PPP2R2C: variants seen among roughly 807,000 people sequenced by gnomAD.
PPP2R2C encodes the protein protein phosphatase 2, regulatory subunit B, gamma.
In PPP2R2C, 10 loss-of-function variants were observed where a neutral mutation model predicts 45.3. The ratio of observed to expected loss-of-function variants is 0.22; its 90% confidence interval spans 0.14 to 0.37. The LOEUF is 0.37. PPP2R2C is among the 10% of genes least tolerant of loss of function. The pLI, the probability that PPP2R2C is intolerant of heterozygous loss-of-function variation, is 1.00. For synonymous variants in PPP2R2C, 257 were observed against 245.4 expected (o/e 1.05, Z -0.44); for missense variants, 308 against 619.7 (o/e 0.50, Z 5.34).
chr4:6,426,707 G>A (rs1408713556), intron 1 of PPP2R2C, among the ~76,000 whole-genome samples: 3 of 152,190 alleles, frequency 2.0e-5, no homozygotes, highest in African/African-American at 7.2e-5. Flanking sequence ...AGCTGGGACA[G>A]CAGCCTGGGA....
At chr4:6,529,413 T>G (rs1320900795) in intron 2 of PPP2R2C, among the ~76,000 whole-genome samples, 2 of 152,228 alleles carry the variant, frequency 1.3e-5, no homozygotes, top group Non-Finnish European at 2.9e-5. Flanking sequence ...TCATAGTCAA[T>G]GCGTGCACAC....
Position 6,437,504 on chromosome 4 carries a change from T to A in PPP2R2C, c.70+34656A>T, listed in dbSNP as rs369290263. 1.2e-4 allele frequency among the ~76,000 whole-genome samples: 19 copies of A among 152,282 alleles called. No homozygotes were observed. In the East Asian group the frequency reaches 1.5e-3, roughly 12 times the overall value. The stretch of plus-strand genomic sequence containing the variant: ...ATTAAGAGGAAGTTAGGGACAGAGC[T>A]CTTATCAAATGTCACCTAATCCAGG... On this transcript the variant is annotated intron_variant, in intron 1 of 8. Coordinates refer to ENST00000382599, the MANE Select transcript of PPP2R2C (RefSeq NM_020416.4).
chr4:6,408,510 G>T (rs1024376265), intron 1 of PPP2R2C, among the ~76,000 whole-genome samples: 1 of 152,186 alleles, frequency 6.6e-6, no homozygotes, highest in African/African-American at 2.4e-5. Flanking sequence ...CTGGGCCATC[G>T]TGAGCAGTAA....
intron 2 of PPP2R2C, among the ~76,000 whole-genome samples, chr4:6,510,673 C>A (rs1315468802): frequency 1.3e-5 from 2 of 152,080 alleles, no homozygotes; most frequent in East Asian, 1.9e-4. Flanking sequence ...ACGGAGGAGG[C>A]CCTCTTAGAA....
chr4:6,537,677 A>G (rs1219838785), intron 1 of PPP2R2C, among the ~76,000 whole-genome samples: 1 of 151,182 alleles, frequency 6.6e-6, no homozygotes, highest in Non-Finnish European at 1.5e-5. Flanking sequence ...CAGCCTTCCG[A>G]GTAGCTGGAA....
chr4:6,421,471 G>A (rs11726287), intron 1 of PPP2R2C, among the ~76,000 whole-genome samples: 97,547 of 151,986 alleles, frequency 0.64, 33,045 homozygotes, highest in Non-Finnish European at 0.76. Flanking sequence ...TGTTTGATAA[G>A]TGTTTGTGGA....
chr4:6,381,342 C>T lies in PPP2R2C; in HGVS notation c.71-248G>A, dbSNP rs767298870. On this transcript the variant is annotated intron_variant, in intron 1 of 8. Transcript: ENST00000382599. The stretch of plus-strand genomic sequence containing the variant: ...CTCGGGACTTGGCACAGGCCTGGGG[C>T]GACCACAGTGGCTGGCAGACTTTAT... The T allele has an allele frequency of 6.7e-5, 101 of 1,507,086 alleles. 1 individual carries two copies. In the Middle Eastern group the frequency reaches 6.8e-4, roughly 10 times the overall value. The allele number at this position is 1,507,086 out of a possible 1,614,324, so 93.4% of individuals were successfully genotyped here.
At chr4:6,560,679 C>A (rs1725546164) in intron 1 of PPP2R2C, among the ~76,000 whole-genome samples, 2 of 152,232 alleles carry the variant, frequency 1.3e-5, no homozygotes, top group Non-Finnish European at 2.9e-5. Flanking sequence ...GCTGCACCCG[C>A]TTCACAAGTG....
chr4:6,350,911 G>A (rs1712492003), intron 5 of PPP2R2C: 8 of 985,396 alleles, frequency 8.1e-6, no homozygotes, highest in Non-Finnish European at 8.4e-6. Context: ...GAGACCTTCA[G>A]GTTGTTTGCT....
chr4:6,410,841 TTTTATTTATTTATTTATTTATTTA>T (rs148453274), intron 1 of PPP2R2C, among the ~76,000 whole-genome samples: 56 of 140,430 alleles, frequency 4.0e-4, no homozygotes, highest in South Asian at 7.4e-4. Context: ...ATTCCCCCTG[TTTTATTTATTTATTTATTTATTTA>T]TTTATTTATT....
chr4:6,329,909 C>T lies in PPP2R2C; in HGVS notation c.961-556G>A, dbSNP rs1429561513. The stretch of plus-strand genomic sequence containing the variant: ...CTTAAAGTGATAAGAGGGCGAACCT[C>T]ACAGTGGTTCTGGCATTAAGTGCAG... On this transcript the variant is annotated intron_variant, in intron 7 of 8. Coordinates refer to ENST00000382599, the MANE Select transcript of PPP2R2C (RefSeq NM_020416.4). The surrounding 1 kb of genome is among the most constrained non-coding windows in gnomAD (Gnocchi z 5.8). Among the ~76,000 whole-genome samples the T allele has an allele frequency of 1.3e-5, 2 of 152,226 alleles. No homozygotes were observed. Among genetic ancestry groups the T allele is most frequent in the Non-Finnish European group, 2.9e-5 (2 of 68,040 alleles).
chr4:6,425,495 C>T (rs939387097), intron 1 of PPP2R2C, among the ~76,000 whole-genome samples: 3 of 152,218 alleles, frequency 2.0e-5, no homozygotes, highest in Admixed American at 2.0e-4. Flanking sequence ...GTGTCCCCAC[C>T]AGCACGAGCT....
chr4:6,382,786 T>A (rs1330348135), intron 1 of PPP2R2C: 1 of 867,012 alleles, frequency 1.2e-6, no homozygotes, highest in East Asian at 6.9e-5. Flanking sequence ...CACCTCTCAC[T>A]GGATGACTGC....
intron 1 of PPP2R2C, among the ~76,000 whole-genome samples, chr4:6,390,136 C>A (rs145052913): frequency 6.6e-6 from 1 of 152,176 alleles, no homozygotes; most frequent in African/African-American, 2.4e-5. Flanking sequence ...CCTCCACGTA[C>A]TTCCAGGGGA....
chr4:6,457,849 C>A (rs1721126091), intron 1 of PPP2R2C, among the ~76,000 whole-genome samples: 1 of 152,206 alleles, frequency 6.6e-6, no homozygotes, highest in South Asian at 2.1e-4. Context: ...AGCACCCTTT[C>A]TATGCTTTGC....
At chr4:6,535,078 G>A (rs1297913107) in intron 2 of PPP2R2C, among the ~76,000 whole-genome samples, 1 of 152,220 alleles carries the variant, frequency 6.6e-6, no homozygotes, top group African/African-American at 2.4e-5. Context: ...GGCTGGTGGG[G>A]TGGGGCCAGG....
chr4:6,417,395 T>C (rs1354682072), intron 1 of PPP2R2C, among the ~76,000 whole-genome samples: 1 of 152,208 alleles, frequency 6.6e-6, no homozygotes, highest in Non-Finnish European at 1.5e-5. Flanking sequence ...CCTTGGGCCT[T>C]GGGAATCTTC....
intron 6 of PPP2R2C, among the ~76,000 whole-genome samples, chr4:6,346,328 C>G (rs146233743): frequency 4.6e-5 from 7 of 152,184 alleles, no homozygotes; most frequent in African/African-American, 1.7e-4. Context: ...TGTGGAGTCA[C>G]GGCCACTGCA....
chr4:6,440,127 G>A (rs558026628), intron 1 of PPP2R2C, among the ~76,000 whole-genome samples: 2 of 152,164 alleles, frequency 1.3e-5, no homozygotes, highest in South Asian at 2.1e-4. Flanking sequence ...TTGTCTTTCT[G>A]TCCACCTCTA....
Sources: gnomAD v4.1 joint callset for allele counts (sites outside exome capture counted in the v4.1 genomes callset) on GRCh38, gnomAD v4.1.1 for gene constraint, Gnocchi (gnomAD v3.1) non-coding constraint, MANE v1.5 for transcripts, NCBI Gene and HGNC (gene_info 2026-07-23, HGNC 2026-07-21) for gene names.